AVEN: variants seen among roughly 807,000 people sequenced by gnomAD.
The protein encoded by AVEN is cell death regulator Aven.
Under a neutral mutation model 38.1 loss-of-function variants are expected in AVEN, and 41 were observed. The ratio of observed to expected loss-of-function variants is 1.08; its 90% CI spans 0.84 to 1.40. The LOEUF is 1.40. AVEN is among the 40% of genes most tolerant of loss of function. The pLI is 0.00. For missense variants in AVEN, 605 were observed against 438.8 expected (o/e 1.38, Z -3.38); for synonymous variants, 206 against 171.8 (o/e 1.20, Z -1.56).
chr15:33,922,004 T>G lies in AVEN; in HGVS notation c.446-46009A>C, dbSNP rs529199439. On this transcript the variant is annotated intron_variant, in intron 2 of 5. Coordinates refer to ENST00000306730, the MANE Select transcript of AVEN (RefSeq NM_020371.3). ...AGGAGGTAGTTAACCTGGTCAATTC[T>G]CCTTGTAAACATACTAGTGTCAGAT... is the stretch of plus-strand genomic sequence containing the variant. Among the ~76,000 whole-genome samples, 45 of 152,304 alleles carry G rather than the reference T, an allele frequency of 3.0e-4. 1 individual carries two copies. The South Asian group carries it at 9.1e-3, about 31-fold the overall frequency.
intron 2 of AVEN, among the ~76,000 whole-genome samples, chr15:33,891,395 C>G (rs918322546): frequency 2.6e-5 from 4 of 152,110 alleles, no homozygotes; most frequent in Non-Finnish European, 5.9e-5. Context: ...CCCCCACCCC[C>G]TGACGGGCCC....
intron 1 of AVEN, among the ~76,000 whole-genome samples, chr15:34,011,236 G>A (rs1003128613): frequency 3.9e-5 from 6 of 152,062 alleles, no homozygotes; most frequent in Non-Finnish European, 7.4e-5. Flanking sequence ...AGGAAAAAAA[G>A]GCAGGGGGAA....
intron 2 of AVEN, among the ~76,000 whole-genome samples, chr15:33,958,593 GAA>G (rs1327584853): frequency 8.2e-6 from 1 of 122,356 alleles, no homozygotes; most frequent in Non-Finnish European, 1.9e-5. Flanking sequence ...CCTATCTCAA[GAA>G]AAAAAAAAAA....
intron 2 of AVEN, among the ~76,000 whole-genome samples, chr15:33,983,573 T>C (rs1896286471): frequency 6.6e-6 from 1 of 152,076 alleles, no homozygotes; most frequent in South Asian, 2.1e-4. Context: ...CCCTGAACTT[T>C]TAAGGAAAAA....
chr15:33,869,433 ATCTCAGCATT>A (rs1317817457), intron 4 of AVEN, among the ~76,000 whole-genome samples: 1 of 152,164 alleles, frequency 6.6e-6, no homozygotes, highest in East Asian at 1.9e-4. Flanking sequence ...TGAATCCTTT[ATCTCAGCATT>A]TCCCTGGTGA....
chr15:33,913,449 G>A (rs1892992813), intron 2 of AVEN, among the ~76,000 whole-genome samples: 1 of 152,156 alleles, frequency 6.6e-6, no homozygotes, highest in Non-Finnish European at 1.5e-5. Context: ...GCTCATTACA[G>A]AACATAAGGG....
rs147193524 is a variant in AVEN, at chr15:33,896,035, G to A, written c.446-20040C>T. Among the ~76,000 whole-genome samples the A allele has an allele frequency of 1.2e-4, 19 of 152,214 alleles. No individual in the cohort carries two copies. The East Asian group carries it at 3.5e-3, about 28-fold the overall frequency. On this transcript the variant is annotated intron_variant, in intron 2 of 5. Transcript: ENST00000306730. ...TAGTAGAGAATAATTAACGCCACACGAAACATTGCTCTGGTCTCACCTAAC... is the reference window on the plus strand; with the variant it reads ...TAGTAGAGAATAATTAACGCCACACAAAACATTGCTCTGGTCTCACCTAAC...
intron 2 of AVEN, among the ~76,000 whole-genome samples, chr15:33,913,198 T>G (rs138355251): frequency 2.1e-4 from 32 of 152,282 alleles, no homozygotes; most frequent in African/African-American, 7.0e-4. Context: ...TGGCATAATT[T>G]TTTAAAAAAA....
chr15:33,875,219 G>A (rs1891168967), intron 3 of AVEN, among the ~76,000 whole-genome samples: 1 of 152,182 alleles, frequency 6.6e-6, no homozygotes, highest in South Asian at 2.1e-4. Flanking sequence ...CTCTGAAGCT[G>A]GGGGCAGATG....
At chr15:33,962,270 T>C (rs981272228) in intron 2 of AVEN, among the ~76,000 whole-genome samples, 1 of 152,172 alleles carries the variant, frequency 6.6e-6, no homozygotes, top group Non-Finnish European at 1.5e-5. Flanking sequence ...TTCACATGCC[T>C]CAAGTATTTC....
At chr15:33,888,829 C>T (rs1891818359) in intron 2 of AVEN, among the ~76,000 whole-genome samples, 1 of 152,120 alleles carries the variant, frequency 6.6e-6, no homozygotes, top group Non-Finnish European at 1.5e-5. Flanking sequence ...TGGCTCACTA[C>T]AACCTCCGAC....
At chr15:33,894,018 CG>C (rs1467387939) in intron 2 of AVEN, among the ~76,000 whole-genome samples, 1 of 148,960 alleles carries the variant, frequency 6.7e-6, no homozygotes, top group African/African-American at 2.5e-5. Context: ...GGCGTGATCT[CG>C]GCTCACTGCA....
downstream of AVEN, chr15:33,861,264 AAG>A: frequency 3.0e-6 from 3 of 992,838 alleles, no homozygotes; most frequent in Non-Finnish European, 4.6e-6. Flanking sequence ...CTGCTGGAAA[AAG>A]AGTAACCAGA....
downstream of AVEN, among the ~76,000 whole-genome samples, chr15:33,854,125 G>T (rs2079389131): frequency 6.6e-6 from 1 of 151,744 alleles, no homozygotes; most frequent in Non-Finnish European, 1.5e-5. Flanking sequence ...GAACCTGGCA[G>T]GTGGAGGTTG....
At chr15:33,961,679 G>A (rs945469004) in intron 2 of AVEN, among the ~76,000 whole-genome samples, 1 of 151,542 alleles carries the variant, frequency 6.6e-6, no homozygotes, top group Admixed American at 6.6e-5. Context: ...CGGGCGTGGT[G>A]GCGGGCACCT....
chr15:33,898,886 A>G (rs16958274), intron 2 of AVEN, among the ~76,000 whole-genome samples: 3,044 of 152,324 alleles, frequency 0.02, 75 homozygotes, highest in African/African-American at 0.062. Context: ...CAAAAATAGT[A>G]TTTGAAATGG....
upstream of AVEN, among the ~76,000 whole-genome samples, chr15:34,042,396 GT>G (rs35456951): frequency 0.024 from 3,169 of 130,340 alleles, 40 homozygotes; most frequent in African/African-American, 0.084. Context: ...CATGACCTAA[GT>G]TTTTTTTTTT....
intron 2 of AVEN, among the ~76,000 whole-genome samples, chr15:33,943,735 G>C (rs1894404521): frequency 6.9e-6 from 1 of 145,736 alleles, no homozygotes; most frequent in Middle Eastern, 3.4e-3. Context: ...TGCGGCAGAA[G>C]AGTCACTTGA....
At chr15:33,980,554 C>G (rs1203916764) in intron 2 of AVEN, among the ~76,000 whole-genome samples, 1 of 152,052 alleles carries the variant, frequency 6.6e-6, no homozygotes, top group African/African-American at 2.4e-5. Flanking sequence ...GTATGGGTAT[C>G]CTGGGAGATC....
Sources: gnomAD v4.1 joint callset for allele counts (sites outside exome capture counted in the v4.1 genomes callset) on GRCh38, gnomAD v4.1.1 for gene constraint, MANE v1.5 for transcripts, NCBI Gene and HGNC (gene_info 2026-07-23, HGNC 2026-07-21) for gene names.